Variants in RFX8 observed in about 807,000 individuals in gnomAD.
RFX8 encodes the protein regulatory factor X8.
A neutral mutation model predicts 54.6 loss-of-function variants in RFX8; 46 were observed. The observed-to-expected ratio is 0.84, with a 90% CI of 0.67 to 1.08. The LOEUF (loss-of-function observed/expected upper bound fraction) is 1.08. Among genes scored for constraint, RFX8 ranks in the 50% least tolerant of loss-of-function variants. RFX8 has a pLI of 0.00. For missense variants in RFX8, 536 were observed against 562.3 expected (o/e 0.95, Z 0.47); for synonymous variants, 192 against 209.5 (o/e 0.92, Z 0.72).
intron 7 of RFX8, 87 bp downstream of exon 7, chr2:101,414,767 A>C: frequency 1.9e-6 from 2 of 1,028,030 alleles, no homozygotes; most frequent in Non-Finnish European, 2.9e-6. Context: ...GGACAGAGCA[A>C]CCACTCACTC....
Position 101,397,735 on chromosome 2 carries a change from G to A in RFX8, c.1246-11C>T. On this transcript the variant is annotated splice_polypyrimidine_tract_variant and intron_variant, in intron 11 of 11. Coordinates refer to ENST00000428343, the MANE Select transcript of RFX8 (RefSeq NM_001145664.2). ...CAGCACCTGGATGAGCTGCAAGAGG[G>A]AAATGTTTTAAGGGAAAAGATAAAA... The A allele has an allele frequency of 6.5e-7, 1 of 1,541,318 alleles. No individual in the cohort carries two copies. The highest frequency in any genetic ancestry group is 1.4e-5 in the African/African-American group (1 of 72,556).
chr2:101,463,666 G>A (rs1184738812), intron 2 of RFX8, among the ~76,000 whole-genome samples: 1 of 152,164 alleles, frequency 6.6e-6, no homozygotes, highest in Non-Finnish European at 1.5e-5. Flanking sequence ...CAGTCCCAAG[G>A]GGGCCCTGAA....
At chr2:101,466,282 G>A (rs1689568676) in intron 2 of RFX8, among the ~76,000 whole-genome samples, 1 of 149,020 alleles carries the variant, frequency 6.7e-6, no homozygotes, top group Admixed American at 6.7e-5. Flanking sequence ...GCTGTAGCCT[G>A]GGCAACAAGA....
chr2:101,412,840 GA>G, intron 8 of RFX8, 74 bp downstream of exon 8: 10 of 1,343,390 alleles, frequency 7.4e-6, no homozygotes, highest in Non-Finnish European at 1.0e-5. Context: ...AGAAATTCAT[GA>G]GTTAACGATG....
rs1686237607 is a variant in RFX8 at position 101,412,999 on chromosome 2, G to A, written c.634C>T (p.Gln212Ter). ...TTCTTAGAAGTAGCCAAAGTGCCTT[G>A]ATTGATGATGGCCTGTAGATCTGAC... ...LKSDLQAIIN[Q>*]GTLATSKKAL... The change falls in exon 8 of 12, where the codon CAA (glutamine) becomes TAA (stop). Residue 212 changes from glutamine to a stop codon, truncating the protein, a stop_gained. Coordinates refer to ENST00000428343, the MANE Select transcript of RFX8 (RefSeq NM_001145664.2). LOFTEE classifies it high-confidence loss of function. 1 of 1,551,860 alleles carries A rather than the reference G, an allele frequency of 6.4e-7. No homozygotes were observed. The highest frequency in any genetic ancestry group is 8.7e-7 in the Non-Finnish European group (1 of 1,146,998).
At chr2:101,452,160 T>C (rs1454549237) in intron 2 of RFX8, among the ~76,000 whole-genome samples, 1 of 152,226 alleles carries the variant, frequency 6.6e-6, no homozygotes, top group African/African-American at 2.4e-5. Flanking sequence ...AAATATATTG[T>C]AACCTTCATA....
chr2:101,433,494 C>T (rs992394667), intron 2 of RFX8, among the ~76,000 whole-genome samples: 3 of 152,208 alleles, frequency 2.0e-5, no homozygotes, highest in African/African-American at 4.8e-5. Context: ...TTATATAGCA[C>T]ATAACTCATC....
intron 1 of RFX8, among the ~76,000 whole-genome samples, chr2:101,470,846 A>T (rs1471464705): frequency 6.7e-6 from 1 of 149,292 alleles, no homozygotes. Context: ...CAGCCTCCCA[A>T]GTAGCTGGGA....
chr2:101,455,430 A>G (rs1688914256), intron 2 of RFX8, among the ~76,000 whole-genome samples: 1 of 152,222 alleles, frequency 6.6e-6, no homozygotes, highest in Non-Finnish European at 1.5e-5. Context: ...AGCTTTCTAC[A>G]TATGGTTAGC....
intron 9 of RFX8, among the ~76,000 whole-genome samples, chr2:101,406,339 AT>A (rs199815275): frequency 0.026 from 3,870 of 146,388 alleles, 156 homozygotes; most frequent in African/African-American, 0.078. Flanking sequence ...AAAAAAGCAA[AT>A]TTTTTTTTTT....
In RFX8 at chr2:101,402,633, C is replaced by A. The variant is rs1488138383; in HGVS notation, c.1048G>T (p.Asp350Tyr). 4 of 1,553,030 alleles carry A rather than the reference C, an allele frequency of 2.6e-6. No homozygotes were observed. In the East Asian group the frequency reaches 7.3e-5, roughly 28 times the overall value. Residue 350 changes from aspartate to tyrosine, a missense_variant, in exon 11 of 12, where the codon GAC becomes TAC. By Grantham distance (160) the Asp-to-Tyr change is radical. Coordinates refer to ENST00000428343, the MANE Select transcript of RFX8 (RefSeq NM_001145664.2). ...MGTVKEMLPD[D>Y]PTLGQPDQAL... is the part of the protein sequence containing the mutation. ...TGGTCTGGCTGGCCGAGAGTCGGGT[C>A]ATCTGGTAGCATTTCCTTGACAGTC...
chr2:101,456,927 G>GGACA (rs1689000514), intron 2 of RFX8, among the ~76,000 whole-genome samples: 1 of 152,182 alleles, frequency 6.6e-6, no homozygotes, highest in Non-Finnish European at 1.5e-5. Flanking sequence ...TCCTGGTTTA[G>GGACA]TCTTGGGAGG....
chr2:101,473,795 C>T (rs1054411928), intron 1 of RFX8, among the ~76,000 whole-genome samples: 6 of 152,192 alleles, frequency 3.9e-5, no homozygotes, highest in Admixed American at 1.3e-4. Context: ...AAGCTAAAAA[C>T]TCCTAAGCTT....
intron 2 of RFX8, chr2:101,452,244 G>A (rs1361598872): frequency 2.1e-6 from 1 of 469,510 alleles, no homozygotes; most frequent in Non-Finnish European, 3.7e-6. Context: ...CAGGCACTGG[G>A]AATTAATGCG....
At chr2:101,415,726 T>C (rs894459022) in intron 6 of RFX8, among the ~76,000 whole-genome samples, 13 of 152,212 alleles carry the variant, frequency 8.5e-5, no homozygotes, top group Non-Finnish European at 7.3e-5. Context: ...GGACAGCCCT[T>C]CCCTACAAAG....
intron 2 of RFX8, 147 bp from the exon 3 acceptor site, chr2:101,422,619 T>A (rs577595270): frequency 3.4e-6 from 2 of 580,254 alleles, no homozygotes; most frequent in Non-Finnish European, 6.1e-6. Context: ...TTCCAGCAGC[T>A]TTCCTCTCAT....
intron 2 of RFX8, among the ~76,000 whole-genome samples, chr2:101,457,562 G>A (rs1363204520): frequency 6.6e-6 from 1 of 152,144 alleles, no homozygotes; most frequent in Non-Finnish European, 1.5e-5. Context: ...ATTGCACTGT[G>A]GTCTGAGAGA....
At chr2:101,419,018 T>G in intron 4 of RFX8, 54 bp from the exon 5 acceptor site, 2 of 881,662 alleles carry the variant, frequency 2.3e-6, no homozygotes, top group East Asian at 5.4e-5. Context: ...CTCGCAAGAC[T>G]AACCCCCCGC....
chr2:101,420,179 G>A (rs965572031), intron 4 of RFX8, among the ~76,000 whole-genome samples: 5 of 151,994 alleles, frequency 3.3e-5, no homozygotes, highest in Admixed American at 2.0e-4. Flanking sequence ...AGTTCTTCTG[G>A]GGCATCCGAG....
Sources: gnomAD v4.1 joint callset for allele counts (sites outside exome capture counted in the v4.1 genomes callset) on GRCh38, gnomAD v4.1.1 for gene constraint, MANE v1.5 for transcripts, NCBI Gene and HGNC (gene_info 2026-07-23, HGNC 2026-07-21) for gene names.